Variants in ASIC2 observed in about 807,000 individuals in gnomAD.
The protein encoded by ASIC2 is acid-sensing ion channel 2.
Under a neutral mutation model 57.3 loss-of-function variants are expected in ASIC2, and 25 were observed. That is an observed-to-expected ratio of 0.44 (90% CI 0.32 to 0.61). The LOEUF is 0.61. Ranked by LOEUF, ASIC2 falls within the 20% of genes least tolerant of loss-of-function variation. The pLI is 0.06. For missense variants in ASIC2, 641 were observed against 738.1 expected (o/e 0.87, Z 1.52); for synonymous variants, 319 against 307.5 (o/e 1.04, Z -0.39).
chr17:33,502,003 G>C lies in ASIC2; in HGVS notation c.556-389936C>G, dbSNP rs141241745. ...GTTTCCTTGATCAATGGCTTTGCCT[G>C]TTTGCAGACGCATAAGAGTGCCAGG... On this transcript the variant is annotated intron_variant, in intron 1 of 9. Transcript: ENST00000359872. 1.6e-3 allele frequency among the ~76,000 whole-genome samples: 245 copies of C among 152,288 alleles called. 3 individuals carry two copies. The East Asian group carries it at 0.033, about 21-fold the overall frequency.
intron 1 of ASIC2, among the ~76,000 whole-genome samples, chr17:33,671,293 A>G (rs1443964462): frequency 6.6e-6 from 1 of 152,170 alleles, no homozygotes; most frequent in Non-Finnish European, 1.5e-5. Context: ...ACGCACACCC[A>G]GCATAGCATT....
intron 1 of ASIC2, among the ~76,000 whole-genome samples, chr17:33,299,219 T>C (rs1313524996): frequency 1.3e-5 from 2 of 152,198 alleles, no homozygotes; most frequent in Non-Finnish European, 2.9e-5. Context: ...CAAAACAGCA[T>C]GGTACTGGTA....
chr17:33,325,440 G>A (rs1907036710), intron 1 of ASIC2, among the ~76,000 whole-genome samples: 1 of 152,158 alleles, frequency 6.6e-6, no homozygotes, highest in South Asian at 2.1e-4. Flanking sequence ...TGGAGATCTT[G>A]AGGCAGAAAG....
intron 1 of ASIC2, among the ~76,000 whole-genome samples, chr17:33,314,975 C>T (rs958719341): frequency 4.6e-5 from 7 of 152,146 alleles, no homozygotes; most frequent in African/African-American, 1.7e-4. Flanking sequence ...GAAATTGGAC[C>T]TCTTGTGGCA....
At chr17:33,238,020 C>T (rs1325930142) in intron 1 of ASIC2, among the ~76,000 whole-genome samples, 1 of 152,174 alleles carries the variant, frequency 6.6e-6, no homozygotes, top group Non-Finnish European at 1.5e-5. Flanking sequence ...AACGACGAAA[C>T]AGGATTCAAA....
At chr17:33,483,254 A>G (rs535082363) in intron 1 of ASIC2, among the ~76,000 whole-genome samples, 2 of 152,330 alleles carry the variant, frequency 1.3e-5, no homozygotes, top group Admixed American at 1.3e-4. Context: ...ATCAAGCCCA[A>G]CATCTGCTTT....
intron 1 of ASIC2, among the ~76,000 whole-genome samples, chr17:33,579,359 T>C (rs1045314433): frequency 9.9e-5 from 15 of 151,052 alleles, no homozygotes; most frequent in African/African-American, 3.4e-4. Context: ...CGATGTGGCT[T>C]GGTATGTTTA....
intron 1 of ASIC2, among the ~76,000 whole-genome samples, chr17:33,869,767 G>T (rs186015530): frequency 3.3e-5 from 5 of 152,312 alleles, no homozygotes; most frequent in African/African-American, 4.8e-5. Flanking sequence ...GGCAGTGACT[G>T]CTAATAAATT....
At position 33,714,821 on chromosome 17, in the gene ASIC2, T is replaced by C. The variant is rs942969948; in HGVS notation, c.555+441157A>G. On this transcript the variant is annotated intron_variant, in intron 1 of 9. Coordinates refer to the ASIC2 transcript ENST00000359872. Reference sequence around the variant, plus strand: ...ATTCTGTGACCTTTTTTTTTTTTTTTTTTTGATTTTTGAGACAGGGTCTCA... The same window carrying C: ...ATTCTGTGACCTTTTTTTTTTTTTTCTTTTGATTTTTGAGACAGGGTCTCA... 2.7e-5 allele frequency among the ~76,000 whole-genome samples: 4 copies of C among 149,256 alleles called. No homozygotes were observed. The East Asian group carries it at 7.8e-4, about 29-fold the overall frequency.
chr17:33,139,659 A>G (rs2092379525), intron 1 of ASIC2, among the ~76,000 whole-genome samples: 1 of 152,150 alleles, frequency 6.6e-6, no homozygotes, highest in South Asian at 2.1e-4. Context: ...CATTCCCTGC[A>G]GCAGCATGTC....
chr17:33,911,862 C>T (rs1007981602), intron 1 of ASIC2, among the ~76,000 whole-genome samples: 16 of 152,052 alleles, frequency 1.1e-4, no homozygotes, highest in African/African-American at 2.4e-4. Context: ...GTTCACAGGC[C>T]GGGTGTGGTA....
At position 33,317,886 on chromosome 17, in the gene ASIC2, A is replaced by AGTGTGT. The variant is rs57716479; in HGVS notation, c.556-205825_556-205820dup. ...AAATGGATTTGGACGTGTGGAGATGAGTGTGTGTGTGTGTGTGTGTGTGTG... is the reference window on the plus strand; with the variant it reads ...AAATGGATTTGGACGTGTGGAGATGAGTGTGTGTGTGTGTGTGTGTGTGTGTGTGTG... On this transcript the variant is annotated intron_variant, in intron 1 of 9. Transcript: ENST00000359872. Among the ~76,000 whole-genome samples, 901 of 144,544 alleles carry AGTGTGT rather than the reference A, an allele frequency of 6.2e-3. 5 individuals carry two copies. The highest frequency in any genetic ancestry group is 0.02 in the African/African-American group (789 of 38,580). The allele number at this position is 144,544 out of a possible 152,430, so 94.8% of individuals were successfully genotyped here.
intron 1 of ASIC2, among the ~76,000 whole-genome samples, chr17:33,262,138 C>T (rs577681205): frequency 6.6e-6 from 1 of 152,322 alleles, no homozygotes; most frequent in Non-Finnish European, 1.5e-5. Flanking sequence ...ATGTCTGGCC[C>T]TCCCAGTGCT....
chr17:33,497,068 G>A (rs1303006224), intron 1 of ASIC2, among the ~76,000 whole-genome samples: 1 of 152,212 alleles, frequency 6.6e-6, no homozygotes, highest in African/African-American at 2.4e-5. Flanking sequence ...GTGATGGGGG[G>A]AAAGGCAGGG....
intron 1 of ASIC2, among the ~76,000 whole-genome samples, chr17:33,126,595 G>A (rs563352460): frequency 1.3e-5 from 2 of 152,200 alleles, no homozygotes; most frequent in South Asian, 2.1e-4. Flanking sequence ...GACCAGCCTG[G>A]ACAAGATGGC....
At chr17:33,553,664 C>T (rs1003985413) in intron 1 of ASIC2, among the ~76,000 whole-genome samples, 1 of 152,072 alleles carries the variant, frequency 6.6e-6, no homozygotes, top group East Asian at 1.9e-4. Flanking sequence ...ACCAGATAAC[C>T]TTTATTGAGT....
intron 1 of ASIC2, among the ~76,000 whole-genome samples, chr17:34,154,869 G>A (rs7221619): frequency 0.024 from 3,621 of 152,212 alleles, 129 homozygotes; most frequent in African/African-American, 0.082. Context: ...GGGTCCCACA[G>A]CCCCTGATAC....
chr17:33,402,448 C>T (rs1910318089), intron 1 of ASIC2, among the ~76,000 whole-genome samples: 1 of 152,120 alleles, frequency 6.6e-6, no homozygotes, highest in Non-Finnish European at 1.5e-5. Context: ...CTGCCACTGT[C>T]CCTCAACATG....
intron 1 of ASIC2, among the ~76,000 whole-genome samples, chr17:33,904,522 TA>T (rs1167731281): frequency 1.3e-5 from 2 of 152,188 alleles, no homozygotes; most frequent in African/African-American, 4.8e-5. Context: ...TTTGTACTTT[TA>T]AAAACTCCCT....
Sources: gnomAD v4.1 joint callset for allele counts (sites outside exome capture counted in the v4.1 genomes callset) on GRCh38, gnomAD v4.1.1 for gene constraint, MANE v1.5 for transcripts, NCBI Gene and HGNC (gene_info 2026-07-23, HGNC 2026-07-21) for gene names.